The following ARHGAP42 variants were observed in gnomAD, a reference collection of about 807,000 sequenced individuals.
ARHGAP42 encodes the protein rho GTPase-activating protein 42.
Under a neutral mutation model 125.0 loss-of-function variants are expected in ARHGAP42, and 63 were observed. The observed-to-expected ratio is 0.50, with a 90% CI of 0.41 to 0.62. The LOEUF is 0.62. ARHGAP42 is among the 20% of genes least tolerant of loss of function. The pLI is 0.00. For missense variants in ARHGAP42, 766 were observed against 1,024.2 expected (o/e 0.75, Z 3.44); for synonymous variants, 339 against 351.0 (o/e 0.97, Z 0.38).
chr11:100,875,622 C>G (rs1309392915), intron 4 of ARHGAP42, among the ~76,000 whole-genome samples: 9 of 152,266 alleles, frequency 5.9e-5, no homozygotes. Context: ...AAAATCAACA[C>G]ATGAAGAACA....
chr11:100,854,706 GAGTT>G (rs1377586276), intron 3 of ARHGAP42, among the ~76,000 whole-genome samples: 4 of 152,080 alleles, frequency 2.6e-5, no homozygotes, highest in Non-Finnish European at 2.9e-5. Context: ...TAGCTATAGA[GAGTT>G]AAATTGGCCA....
chr11:100,916,870 T>G (rs1291334843), intron 5 of ARHGAP42, among the ~76,000 whole-genome samples: 1 of 152,190 alleles, frequency 6.6e-6, no homozygotes, highest in Non-Finnish European at 1.5e-5. Context: ...AAATGTAGTT[T>G]GATCAAAAAT....
At chr11:100,888,568 T>C (rs914868652) in intron 4 of ARHGAP42, among the ~76,000 whole-genome samples, 2 of 152,224 alleles carry the variant, frequency 1.3e-5, no homozygotes, top group Non-Finnish European at 2.9e-5. Flanking sequence ...TTTTATGACG[T>C]GTCAAACGAT....
rs1236722352 is a variant in ARHGAP42, at chr11:100,903,155, A to ACACC, written c.385-10296_385-10295insACCC. ...CACACACACACACACACACACACAC[A>ACACC]CCAAGCTTTAGCAGGCAAGCTTTGC... is the stretch of plus-strand genomic sequence containing the variant. On this transcript the variant is annotated intron_variant, in intron 4 of 23. Coordinates refer to ENST00000298815, the MANE Select transcript of ARHGAP42 (RefSeq NM_152432.4). Among the ~76,000 whole-genome samples the ACACC allele has an allele frequency of 1.9e-4, 29 of 151,010 alleles. 1 individual carries two copies. Among genetic ancestry groups the ACACC allele is most frequent in the Admixed American group, 1.2e-3 (18 of 15,102 alleles).
chr11:100,928,650 A>G (rs1424536709), intron 6 of ARHGAP42, among the ~76,000 whole-genome samples: 1 of 152,160 alleles, frequency 6.6e-6, no homozygotes, highest in Non-Finnish European at 1.5e-5. Flanking sequence ...CATTTAAACT[A>G]TACAATTCAA....
intron 1 of ARHGAP42, among the ~76,000 whole-genome samples, chr11:100,733,974 G>T (rs1239115135): frequency 1.6e-5 from 2 of 127,692 alleles, no homozygotes; most frequent in African/African-American, 2.9e-5. Context: ...TAGCTCTGTC[G>T]CCCAGGCTGG....
chr11:100,961,699 CTGATAT>C lies in ARHGAP42; in HGVS notation c.1332_1337del (p.Asp444_Ile445del), dbSNP rs943991161. ...TTCTTTCCAGCTCCTAAATCCCCTC[CTGATAT>C]TGATATTGATATTGAACTGTGGGAC... On this transcript the variant is annotated inframe_deletion, in exon 15 of 24. Coordinates refer to ENST00000298815, the MANE Select transcript of ARHGAP42 (RefSeq NM_152432.4). 2 of 1,551,394 alleles carry C rather than the reference CTGATAT, an allele frequency of 1.3e-6. No individual in the cohort carries two copies. The highest frequency in any genetic ancestry group is 1.2e-5 in the South Asian group (1 of 84,008).
At chr11:100,808,506 C>T (rs958114137) in intron 3 of ARHGAP42, among the ~76,000 whole-genome samples, 2 of 150,008 alleles carry the variant, frequency 1.3e-5, no homozygotes, top group South Asian at 4.2e-4. Flanking sequence ...CCCGGGTTCA[C>T]GCCATTCTCC....
chr11:100,902,681 C>G (rs1473098994), intron 4 of ARHGAP42, among the ~76,000 whole-genome samples: 1 of 152,062 alleles, frequency 6.6e-6, no homozygotes, highest in African/African-American at 2.4e-5. Context: ...TGCTCAAGGC[C>G]TGGTTCCAGT....
intron 1 of ARHGAP42, among the ~76,000 whole-genome samples, chr11:100,714,322 T>G (rs1434634163): frequency 6.6e-6 from 1 of 152,212 alleles, no homozygotes; most frequent in Non-Finnish European, 1.5e-5. Flanking sequence ...CTAAACTTTA[T>G]AAAAACATTT....
chr11:100,820,644 C>T (rs1591208951), intron 3 of ARHGAP42, among the ~76,000 whole-genome samples: 1 of 152,192 alleles, frequency 6.6e-6, no homozygotes, highest in South Asian at 2.1e-4. Flanking sequence ...TTTAATCGCT[C>T]CATGCTCTAT....
intron 3 of ARHGAP42, among the ~76,000 whole-genome samples, chr11:100,838,644 G>T (rs1864871482): frequency 6.6e-6 from 1 of 151,978 alleles, no homozygotes; most frequent in South Asian, 2.1e-4. Flanking sequence ...AGTGAGCCAT[G>T]ATTGTGCTAC....
chr11:100,891,657 G>T (rs913031547), intron 4 of ARHGAP42, among the ~76,000 whole-genome samples: 2 of 151,998 alleles, frequency 1.3e-5, no homozygotes, highest in South Asian at 4.1e-4. Flanking sequence ...TAGCCAAACT[G>T]GCCTCAAACT....
intron 3 of ARHGAP42, among the ~76,000 whole-genome samples, chr11:100,805,608 G>T (rs1863969433): frequency 6.6e-6 from 1 of 152,134 alleles, no homozygotes. Flanking sequence ...CAGTGGCATG[G>T]GCTGTTCAAC....
intron 4 of ARHGAP42, among the ~76,000 whole-genome samples, chr11:100,897,243 C>T (rs950376727): frequency 4.6e-5 from 7 of 152,146 alleles, no homozygotes; most frequent in African/African-American, 1.4e-4. Context: ...GTTACTATAA[C>T]GTTGTAGTAT....
Position 100,991,829 on chromosome 11 carries a change from T to C in ARHGAP42, c.*3028T>C, listed in dbSNP as rs1858838020. 1 of 153,546 alleles carries C rather than the reference T, an allele frequency of 6.5e-6. No individual in the cohort carries two copies. Among genetic ancestry groups the C allele is most frequent in the Admixed American group, 6.4e-5 (1 of 15,534 alleles). The allele number at this position is 153,546 out of a possible 1,614,324, so 9.5% of individuals were successfully genotyped here. A position where few individuals can be genotyped will look rare whatever the true frequency, so the allele number is the denominator to read the frequency against. ...TGAACACAACCAGGTTTCTCAACAA[T>C]GATTTGTCTGCTGACTCTTTTCAGA... On this transcript the variant is annotated 3_prime_UTR_variant, in exon 24 of 24. Transcript: ENST00000298815.
chr11:100,692,890 C>T (rs762379500), intron 1 of ARHGAP42, among the ~76,000 whole-genome samples: 2 of 152,208 alleles, frequency 1.3e-5, no homozygotes, highest in Non-Finnish European at 2.9e-5. Context: ...CTCTGCCTTT[C>T]ATTTTCTGTG....
chr11:100,809,016 G>C (rs1282507731), intron 3 of ARHGAP42, among the ~76,000 whole-genome samples: 1 of 152,086 alleles, frequency 6.6e-6, no homozygotes, highest in African/African-American at 2.4e-5. Flanking sequence ...AGACATTGGG[G>C]CATCTCATTT....
chr11:100,708,988 T>G (rs1190219829), intron 1 of ARHGAP42, among the ~76,000 whole-genome samples: 1 of 151,986 alleles, frequency 6.6e-6, no homozygotes. Context: ...CTCAAATACC[T>G]TGTACTATAC....
Sources: gnomAD v4.1 joint callset for allele counts (sites outside exome capture counted in the v4.1 genomes callset) on GRCh38, gnomAD v4.1.1 for gene constraint, MANE v1.5 for transcripts, NCBI Gene and HGNC (gene_info 2026-07-23, HGNC 2026-07-21) for gene names.